Variants in PDGFRA observed in about 807,000 individuals in gnomAD.
The protein encoded by PDGFRA is platelet-derived growth factor receptor alpha.
In PDGFRA, 25 loss-of-function variants were observed where a neutral mutation model predicts 121.5. That is an observed-to-expected ratio of 0.21 (90% CI 0.15 to 0.29). PDGFRA has a LOEUF of 0.29. PDGFRA is among the 10% of genes least tolerant of loss of function. The probability of loss-of-function intolerance (pLI) is 1.00; values close to 1 mark genes in which losing one functional copy is unlikely to be tolerated. For missense variants in PDGFRA, 1,008 were observed against 1,345.1 expected (o/e 0.75, Z 3.92); for synonymous variants, 463 against 494.8 (o/e 0.94, Z 0.85).
chr4:54,280,176 A>G (rs1723990157), intron 15 of PDGFRA, 140 bp from the exon 16 acceptor site: 1 of 661,488 alleles, frequency 1.5e-6, no homozygotes, highest in African/African-American at 1.8e-5. Flanking sequence ...CCTCATGTGA[A>G]AGGTATGGAT....
At chr4:54,261,739 T>C (rs938232725) in intron 3 of PDGFRA, among the ~76,000 whole-genome samples, 2 of 151,548 alleles carry the variant, frequency 1.3e-5, no homozygotes, top group Non-Finnish European at 2.9e-5. Context: ...GGGCTAAGTG[T>C]TGAGTACACA....
intron 1 of PDGFRA, among the ~76,000 whole-genome samples, chr4:54,230,799 G>C (rs1339040502): frequency 4.6e-5 from 7 of 152,118 alleles, no homozygotes; most frequent in Non-Finnish European, 8.8e-5. Context: ...CCGTCTGTGC[G>C]TACTTCTCCT....
chr4:54,242,975 G>A (rs1410747728), intron 1 of PDGFRA, among the ~76,000 whole-genome samples: 1 of 152,176 alleles, frequency 6.6e-6, no homozygotes, highest in African/African-American at 2.4e-5. Context: ...GCATTGGTGT[G>A]TATTACCTAG....
intron 1 of PDGFRA, among the ~76,000 whole-genome samples, chr4:54,245,408 TCAA>T (rs1358145257): frequency 2.0e-5 from 3 of 151,934 alleles, no homozygotes; most frequent in African/African-American, 7.2e-5. Flanking sequence ...GGGCCAATAT[TCAA>T]CATTCTTAAA....
intron 21 of PDGFRA, 107 bp from the exon 22 acceptor site, chr4:54,290,206 G>A: frequency 1.1e-6 from 1 of 914,798 alleles, no homozygotes; most frequent in Non-Finnish European, 1.8e-6. Context: ...CTTCCAGGTA[G>A]TTTGGAGATA....
intron 1 of PDGFRA, among the ~76,000 whole-genome samples, chr4:54,249,741 T>A (rs1055370524): frequency 1.2e-4 from 18 of 152,062 alleles, no homozygotes; most frequent in Admixed American, 1.0e-3. Flanking sequence ...CATATGTAAC[T>A]AACCTGCACA....
rs1722891163 is a variant in PDGFRA at position 54,263,863 on chromosome 4, C to T, written c.564C>T (p.Ile188=). The T allele has an allele frequency of 6.2e-7, 1 of 1,613,960 alleles. No homozygotes were observed. The highest frequency in any genetic ancestry group is 8.5e-7 in the Non-Finnish European group (1 of 1,179,896). ...GGACCTTCACTGTAGGGCCCTATAT[C>T]TGTGAGGCCACCGTCAAAGGAAAGA... ...FNGTFTVGPY[I]CEATVKGKKF... is the part of the protein sequence containing the mutation. The change falls in exon 4 of 23, where the codon ATC becomes ATT. Residue 188 remains isoleucine (I), a synonymous_variant. Coordinates refer to ENST00000257290, the MANE Select transcript of PDGFRA (RefSeq NM_006206.6).
intron 7 of PDGFRA, among the ~76,000 whole-genome samples, chr4:54,268,936 T>C (rs1723182816): frequency 1.3e-5 from 2 of 152,188 alleles, no homozygotes; most frequent in Admixed American, 6.5e-5. Context: ...CTTTTCCTTT[T>C]AGTGATTCAA....
At chr4:54,273,458 C>T (rs1016474738) in intron 9 of PDGFRA, 79 bp from the exon 10 acceptor site, 1 of 1,144,992 alleles carries the variant, frequency 8.7e-7, no homozygotes, top group East Asian at 2.3e-5. Context: ...TCCTTGCCAT[C>T]TTAGAGTGTT....
At chr4:54,249,315 C>T (rs1721902569) in intron 1 of PDGFRA, among the ~76,000 whole-genome samples, 1 of 152,126 alleles carries the variant, frequency 6.6e-6, no homozygotes, top group African/African-American at 2.4e-5. Flanking sequence ...AATCATGCTG[C>T]TATAAAGACA....
At position 54,247,827 on chromosome 4, in the gene PDGFRA, T is replaced by A. The variant is rs566496649; in HGVS notation, c.-12-10930T>A. ...TGATTGTATATCTAGAAAACCCCATTGTCTCAGCCCAAAATCTCCTGAAGC... is the reference window on the plus strand; with the variant it reads ...TGATTGTATATCTAGAAAACCCCATAGTCTCAGCCCAAAATCTCCTGAAGC... On this transcript the variant is annotated intron_variant, in intron 1 of 22. Transcript: ENST00000257290. 4.6e-3 allele frequency among the ~76,000 whole-genome samples: 697 copies of A among 152,260 alleles called. 6 individuals are homozygous for A. Among genetic ancestry groups the A allele is most frequent in the Non-Finnish European group, 6.8e-3 (465 of 68,028 alleles).
At position 54,298,231 on chromosome 4, in the gene PDGFRA, T is replaced by C. The variant is rs994053416; in HGVS notation, c.*2959T>C. The C allele has an allele frequency of 1.6e-5, 3 of 190,864 alleles. No individual in the cohort carries two copies. Among genetic ancestry groups the C allele is most frequent in the East Asian group, 8.4e-5 (1 of 11,940 alleles). 11.8% of individuals were successfully genotyped at this position (190,864 alleles called of 1,614,324 possible). On this transcript the variant is annotated 3_prime_UTR_variant, in exon 23 of 23. Coordinates refer to ENST00000257290, the MANE Select transcript of PDGFRA (RefSeq NM_006206.6). ...GATCTTTATATTTCAATAAATGATA[T>C]ATAATTTAAAGTTATACTAAGGTTT...
chr4:54,290,147 A>C (rs1012507459), intron 21 of PDGFRA, among the ~76,000 whole-genome samples, 166 bp from the exon 22 acceptor site: 1 of 152,304 alleles, frequency 6.6e-6, no homozygotes, highest in Non-Finnish European at 1.5e-5. Context: ...TTCATGTTCT[A>C]TGTCTCTGGG....
rs1724485469 is a variant in PDGFRA at position 54,288,874 on chromosome 4, A to G, written c.2750A>G (p.Lys917Arg). 1 of 1,610,834 alleles carries G rather than the reference A, an allele frequency of 6.2e-7. No homozygotes were observed. Among genetic ancestry groups the G allele is most frequent in the Non-Finnish European group, 8.5e-7 (1 of 1,177,070 alleles). The change falls in exon 20 of 23, where the codon AAG becomes AGG. Residue 917 changes from lysine to arginine, a missense_variant. Around this residue, in one of 5 missense-constraint regions of PDGFRA, gnomAD observed 204 missense variants for 243.0 expected, o/e 0.84. Transcript: ENST00000257290. Reference sequence around the variant, plus strand: ...ATCAAGAGTGGGTACCGGATGGCCAAGCCTGACCACGCTACCAGTGAAGTG... The same window carrying G: ...ATCAAGAGTGGGTACCGGATGGCCAGGCCTGACCACGCTACCAGTGAAGTG... ...NKIKSGYRMA[K>R]PDHATSEVYE...
intron 1 of PDGFRA, among the ~76,000 whole-genome samples, chr4:54,249,701 G>C (rs1400321045): frequency 6.6e-6 from 1 of 151,844 alleles, no homozygotes; most frequent in Non-Finnish European, 1.5e-5. Flanking sequence ...CGAGTTAATG[G>C]GTGCAGCACA....
chr4:54,283,984 GGCCATA>G (rs1454826969), intron 16 of PDGFRA, among the ~76,000 whole-genome samples: 2 of 152,162 alleles, frequency 1.3e-5, no homozygotes, highest in Non-Finnish European at 2.9e-5. Context: ...GAAGCAGCCA[GGCCATA>G]TCGTGAACAC....
chr4:54,231,354 G>A (rs1477778332), intron 1 of PDGFRA, among the ~76,000 whole-genome samples: 1 of 152,218 alleles, frequency 6.6e-6, no homozygotes, highest in African/African-American at 2.4e-5. Context: ...CCTCGCCGCG[G>A]TCGCTCCTGA....
Position 54,261,162 on chromosome 4 carries a change from G to A in PDGFRA, c.117G>A (p.Val39=), listed in dbSNP as rs1722681244. ...TTCCAAATGAAAATGAAAAGGTTGT[G>A]CAGCTGAATTCATCCTTTTCTCTGA... is the stretch of plus-strand genomic sequence containing the variant. ...SILPNENEKV[V]QLNSSFSLRC... is the part of the protein sequence containing the mutation. The change falls in exon 3 of 23, where the codon GTG becomes GTA. Residue 39 remains valine (V), a synonymous_variant. Coordinates refer to ENST00000257290, the MANE Select transcript of PDGFRA (RefSeq NM_006206.6). 1 of 1,614,130 alleles carries A rather than the reference G, an allele frequency of 6.2e-7. No homozygotes were observed. The highest frequency in any genetic ancestry group is 8.5e-7 in the Non-Finnish European group (1 of 1,179,982).
intron 11 of PDGFRA, 35 bp from the exon 12 acceptor site, chr4:54,274,806 G>C (rs2110298814): frequency 6.2e-7 from 1 of 1,613,268 alleles, no homozygotes; most frequent in East Asian, 2.2e-5. Context: ...TGGGACTTTG[G>C]TAATTCACCA....
Sources: allele counts gnomAD v4.1 joint callset (sites outside exome capture counted in the v4.1 genomes callset), GRCh38; gene constraint gnomAD v4.1.1; regional missense constraint gnomAD v4.1.1; transcripts MANE v1.5; gene names NCBI Gene and HGNC (gene_info 2026-07-23, HGNC 2026-07-21).